MSI2: variants seen among roughly 807,000 people sequenced by gnomAD.
The protein encoded by MSI2 is RNA-binding protein Musashi homolog 2.
A neutral mutation model predicts 45.6 loss-of-function variants in MSI2; 17 were observed. The ratio of observed to expected loss-of-function variants is 0.37; its 90% CI spans 0.26 to 0.56. MSI2 has a LOEUF of 0.56. Ranked by LOEUF, MSI2 falls within the 20% of genes least tolerant of loss-of-function variation. The pLI, the probability that MSI2 is intolerant of heterozygous loss-of-function variation, is 0.77. For missense variants in MSI2, 293 were observed against 444.2 expected, an observed-to-expected ratio of 0.66 and a Z score of 3.06; for synonymous variants, 156 against 158.2, an observed-to-expected ratio of 0.99 and a Z score of 0.11.
intron 6 of MSI2, among the ~76,000 whole-genome samples, chr17:57,484,904 C>A (rs2085721450): frequency 6.6e-6 from 1 of 152,218 alleles, no homozygotes; most frequent in Non-Finnish European, 1.5e-5. Flanking sequence ...CCCTGCTTCT[C>A]TCTCGGGGAA....
At chr17:57,656,722 C>T (rs1047719223) in intron 11 of MSI2, among the ~76,000 whole-genome samples, 4 of 152,150 alleles carry the variant, frequency 2.6e-5, no homozygotes, top group Non-Finnish European at 4.4e-5. Flanking sequence ...AAAGGGAGGT[C>T]GGCTTGGAAC....
intron 6 of MSI2, among the ~76,000 whole-genome samples, chr17:57,452,014 G>C (rs2085028778): frequency 6.6e-6 from 1 of 152,180 alleles, no homozygotes; most frequent in Non-Finnish European, 1.5e-5. Context: ...ACCGTTCTCA[G>C]GGGGGATGTC....
At chr17:57,405,699 T>A (rs930804674) in intron 6 of MSI2, among the ~76,000 whole-genome samples, 10 of 152,216 alleles carry the variant, frequency 6.6e-5, no homozygotes, top group African/African-American at 2.4e-4. Context: ...GAAAAACTGT[T>A]ATAGTATTTC....
the MSI2 span, among the ~76,000 whole-genome samples, chr17:57,692,406 T>C: frequency 2.0e-5 from 3 of 152,180 alleles, no homozygotes; most frequent in Admixed American, 1.3e-4. Flanking sequence ...ATTAGTATTA[T>C]TTCTTCCTTA....
At position 57,627,230 on chromosome 17, in the gene MSI2, A is replaced by G; in HGVS notation, c.654A>G (p.Gly218=). 6.2e-7 allele frequency: 1 copy of G among 1,614,172 alleles called. No homozygotes were observed. Among genetic ancestry groups the G allele is most frequent in the Non-Finnish European group, 8.5e-7 (1 of 1,180,004 alleles). Residue 218 remains glycine (G), a splice_region_variant and synonymous_variant, in exon 10 of 14, where the codon GGA becomes GGG. Coordinates refer to ENST00000284073, the MANE Select transcript of MSI2 (RefSeq NM_138962.4). This position sits in a 1 kb window ranked among gnomAD's most constrained non-coding sequence, Gnocchi z 4.6. The stretch of plus-strand genomic sequence containing the variant: ...CTGATCTTTCTCTTTGTGTTCAAGG[A>G]TATCCCAACTTCGTGGCGACCTATG... ...DAFMLGMGML[G]YPNFVATYGR... is the part of the protein sequence containing the mutation.
intron 11 of MSI2, among the ~76,000 whole-genome samples, chr17:57,656,729 G>A (rs73992138): frequency 0.012 from 1,788 of 152,282 alleles, 36 homozygotes; most frequent in African/African-American, 0.041. Context: ...GGTCGGCTTG[G>A]AACATCCAAG....
chr17:57,489,359 C>T (rs2085821562), intron 6 of MSI2, among the ~76,000 whole-genome samples: 1 of 152,096 alleles, frequency 6.6e-6, no homozygotes, highest in South Asian at 2.1e-4. Context: ...GGGCTGGAGA[C>T]TTTGGGGGTC....
intron 10 of MSI2, among the ~76,000 whole-genome samples, chr17:57,643,473 G>A (rs1910408274): frequency 1.3e-5 from 2 of 152,230 alleles, no homozygotes; most frequent in Admixed American, 6.5e-5. Flanking sequence ...TCAGTGGGGT[G>A]GGACAGGTGC....
intron 7 of MSI2, among the ~76,000 whole-genome samples, chr17:57,580,539 GC>G (rs1320863694): frequency 6.6e-6 from 1 of 152,206 alleles, no homozygotes; most frequent in Non-Finnish European, 1.5e-5. Context: ...CTTGCTAGCT[GC>G]CCTGCCAGGT....
chr17:57,532,930 A>G lies in MSI2; in HGVS notation c.454+3206A>G, dbSNP rs928257703. ...CCTTACCCCAGGAATTTTGACAGCTACCTGTGTGTCCTTGGAGCTGTGTGA... is the reference window on the plus strand; with the variant it reads ...CCTTACCCCAGGAATTTTGACAGCTGCCTGTGTGTCCTTGGAGCTGTGTGA... On this transcript the variant is annotated intron_variant, in intron 7 of 13. Coordinates refer to ENST00000284073, the MANE Select transcript of MSI2 (RefSeq NM_138962.4). Among the ~76,000 whole-genome samples, 46 of 152,170 alleles carry G rather than the reference A, an allele frequency of 3.0e-4. 1 individual carries two copies. Among genetic ancestry groups the G allele is most frequent in the South Asian group, 2.1e-4 (1 of 4,828 alleles).
At chr17:57,448,792 G>A (rs2084944482) in intron 6 of MSI2, 1 of 152,170 alleles carries the variant, frequency 6.6e-6, no homozygotes, top group Admixed American at 6.5e-5. Context: ...AGGTTAAGGT[G>A]GCACTGTCAT....
At chr17:57,328,024 G>A (rs1438333099) in intron 5 of MSI2, among the ~76,000 whole-genome samples, 2 of 152,124 alleles carry the variant, frequency 1.3e-5, no homozygotes, top group Non-Finnish European at 2.9e-5. Flanking sequence ...ACTGTTGGGG[G>A]GAGTGGGTAG....
intron 5 of MSI2, among the ~76,000 whole-genome samples, chr17:57,355,399 G>A (rs1916341461): frequency 1.3e-5 from 2 of 152,188 alleles, no homozygotes; most frequent in Non-Finnish European, 2.9e-5. Flanking sequence ...ATAGTCCCTT[G>A]GAACTGGGTA....
At chr17:57,526,236 GA>G (rs551896784) in intron 6 of MSI2, among the ~76,000 whole-genome samples, 16 of 151,980 alleles carry the variant, frequency 1.1e-4, no homozygotes, top group African/African-American at 2.7e-4. Context: ...GGAAAAAAAA[GA>G]AAAAAGAAAA....
chr17:57,491,733 C>T (rs1464214773), intron 6 of MSI2, among the ~76,000 whole-genome samples: 3 of 151,994 alleles, frequency 2.0e-5, no homozygotes, highest in Non-Finnish European at 2.9e-5. Flanking sequence ...ATGGCCAACG[C>T]CTAATGATGA....
At chr17:57,590,806 CT>C (rs1041995010) in intron 7 of MSI2, among the ~76,000 whole-genome samples, 1 of 152,170 alleles carries the variant, frequency 6.6e-6, no homozygotes, top group Non-Finnish European at 1.5e-5. Flanking sequence ...GTGAACTAGT[CT>C]CTTGTTGCCC....
intron 6 of MSI2, among the ~76,000 whole-genome samples, chr17:57,451,954 C>T (rs2085027616): frequency 6.6e-6 from 1 of 152,146 alleles, no homozygotes; most frequent in Non-Finnish European, 1.5e-5. Flanking sequence ...AGTATCAGGG[C>T]GTGAGGAAGT....
rs115455588 is a variant in MSI2 at position 57,394,819 on chromosome 17, C to G, written c.313-6560C>G. 9.9e-3 allele frequency among the ~76,000 whole-genome samples: 1,506 copies of G among 152,318 alleles called. 26 individuals carry two copies. The highest frequency in any genetic ancestry group is 0.034 in the African/African-American group (1,395 of 41,568). ...TAGAGTTTCCATGTGGACTGTGGCTCTGCTGTCACCAAAAAAAGGTGAGGT... is the reference window on the plus strand; with the variant it reads ...TAGAGTTTCCATGTGGACTGTGGCTGTGCTGTCACCAAAAAAAGGTGAGGT... On this transcript the variant is annotated intron_variant, in intron 5 of 13. Transcript: ENST00000284073.
intron 6 of MSI2, among the ~76,000 whole-genome samples, chr17:57,416,662 A>T (rs1449612663): frequency 6.6e-6 from 1 of 152,118 alleles, no homozygotes; most frequent in African/African-American, 2.4e-5. Flanking sequence ...GGGGGTGCTT[A>T]TGCTGGTTTC....
Sources: gnomAD v4.1 joint callset for allele counts (sites outside exome capture counted in the v4.1 genomes callset) on GRCh38, gnomAD v4.1.1 for gene constraint, Gnocchi (gnomAD v3.1) non-coding constraint, MANE v1.5 for transcripts, NCBI Gene and HGNC (gene_info 2026-07-23, HGNC 2026-07-21) for gene names.